TAFA1: variants seen among roughly 807,000 people sequenced by gnomAD.
TAFA1 encodes TAFA chemokine like family member 1.
Under a neutral mutation model 18.5 loss-of-function variants are expected in TAFA1, and 4 were observed. The ratio of observed to expected loss-of-function variants is 0.22; its 90% CI spans 0.11 to 0.49. TAFA1 has a LOEUF of 0.49. TAFA1 is among the 20% of genes least tolerant of loss of function. The pLI is 0.98. For missense variants in TAFA1, 147 were observed against 169.0 expected (o/e 0.87, Z 0.72); for synonymous variants, 56 against 55.2 (o/e 1.01, Z -0.06).
intron 2 of TAFA1, among the ~76,000 whole-genome samples, chr3:68,117,976 C>T (rs1333725953): frequency 6.6e-6 from 1 of 152,106 alleles, no homozygotes; most frequent in Non-Finnish European, 1.5e-5. Context: ...AACTCTATAC[C>T]AGTGGTCCCC....
At chr3:68,073,965 T>A (rs2106755040) in intron 2 of TAFA1, among the ~76,000 whole-genome samples, 1 of 152,312 alleles carries the variant, frequency 6.6e-6, no homozygotes, top group Non-Finnish European at 1.5e-5. Context: ...GTGCACTTTA[T>A]GTCTATTATT....
intron 2 of TAFA1, among the ~76,000 whole-genome samples, chr3:68,255,786 G>A (rs2067287147): frequency 6.6e-6 from 1 of 152,004 alleles, no homozygotes; most frequent in Admixed American, 6.6e-5. Flanking sequence ...GTCCAAAGTG[G>A]GGATGGTTGG....
At chr3:67,999,622 C>A (rs1575567234), upstream of TAFA1, among the ~76,000 whole-genome samples, 1 of 151,996 alleles carries the variant, frequency 6.6e-6, no homozygotes, top group Admixed American at 6.6e-5. Context: ...ATACTGAGAA[C>A]CAGGGTAGAA....
chr3:68,286,937 G>A (rs1317701013), intron 2 of TAFA1, among the ~76,000 whole-genome samples: 1 of 152,190 alleles, frequency 6.6e-6, no homozygotes, highest in Non-Finnish European at 1.5e-5. Context: ...CATCCTTGGT[G>A]CTGTACAATT....
intron 2 of TAFA1, among the ~76,000 whole-genome samples, chr3:68,110,835 A>C (rs1191915979): frequency 6.6e-6 from 1 of 152,092 alleles, no homozygotes; most frequent in Non-Finnish European, 1.5e-5. Flanking sequence ...TGAAAAAAAA[A>C]CTTGGAGTCC....
intron 3 of TAFA1, among the ~76,000 whole-genome samples, chr3:68,424,163 AT>A (rs1189733508): frequency 6.6e-6 from 1 of 152,058 alleles, no homozygotes; most frequent in Non-Finnish European, 1.5e-5. Context: ...GTAACAGAAC[AT>A]TTTGCTCCTG....
intron 3 of TAFA1, among the ~76,000 whole-genome samples, chr3:68,425,005 G>C (rs934988529): frequency 4.6e-5 from 7 of 151,974 alleles, no homozygotes; most frequent in African/African-American, 1.7e-4. Flanking sequence ...AGATAGCTAA[G>C]TGTTGCCTAA....
intron 2 of TAFA1, among the ~76,000 whole-genome samples, chr3:68,370,506 A>ATATATATATATATATATATATG (rs1162156955): frequency 8.0e-5 from 6 of 75,106 alleles, no homozygotes; most frequent in Admixed American, 1.9e-4. Flanking sequence ...ATATATATAT[A>ATATATATATATATATATATATG]TATATATATA....
chr3:68,377,447 C>G (rs1245940515), intron 2 of TAFA1, among the ~76,000 whole-genome samples: 1 of 152,112 alleles, frequency 6.6e-6, no homozygotes, highest in Non-Finnish European at 1.5e-5. Flanking sequence ...TCTGCCCTGC[C>G]CTAGAGATCT....
intron 3 of TAFA1, among the ~76,000 whole-genome samples, chr3:68,509,407 T>C (rs2072813148): frequency 6.6e-6 from 1 of 152,106 alleles, no homozygotes; most frequent in Non-Finnish European, 1.5e-5. Context: ...TGTATCTCCT[T>C]TGCAGGCCTG....
intron 4 of TAFA1, 91 bp downstream of exon 4, chr3:68,538,971 A>G (rs2073320802): frequency 7.4e-7 from 1 of 1,353,146 alleles, no homozygotes; most frequent in African/African-American, 1.4e-5. Context: ...GAAGCTTTGC[A>G]CAGGAGAGAA....
At chr3:68,229,783 A>C (rs1277073167) in intron 2 of TAFA1, among the ~76,000 whole-genome samples, 1 of 152,168 alleles carries the variant, frequency 6.6e-6, no homozygotes, top group East Asian at 1.9e-4. Flanking sequence ...TTCGGATTCC[A>C]GTTTCTCTAC....
At chr3:68,198,973 T>C (rs1488736821) in intron 2 of TAFA1, among the ~76,000 whole-genome samples, 1 of 151,552 alleles carries the variant, frequency 6.6e-6, no homozygotes, top group East Asian at 1.9e-4. Context: ...ATTTCTTTTA[T>C]GTTATCTTCT....
At chr3:68,142,481 G>T (rs2065679254) in intron 2 of TAFA1, among the ~76,000 whole-genome samples, 1 of 152,208 alleles carries the variant, frequency 6.6e-6, no homozygotes, top group Non-Finnish European at 1.5e-5. Flanking sequence ...GGTGCACTGT[G>T]CATGTGCAGT....
chr3:68,520,038 T>C (rs560684476), intron 3 of TAFA1, among the ~76,000 whole-genome samples: 1 of 152,138 alleles, frequency 6.6e-6, no homozygotes, highest in Non-Finnish European at 1.5e-5. Flanking sequence ...ACCAACAAAA[T>C]CCTAAAACAC....
intron 2 of TAFA1, among the ~76,000 whole-genome samples, chr3:68,142,023 T>C (rs1336399485): frequency 1.3e-5 from 2 of 152,166 alleles, no homozygotes; most frequent in Non-Finnish European, 2.9e-5. Context: ...CTGAAGAATC[T>C]GAAGTTACCA....
rs530735463 is a variant in TAFA1, at chr3:68,034,835, A to G, written c.118+28091A>G. ...GACACGTGCTGGCAAATGTGATACT[A>G]TTTTAGAAAGGGGAAATTTTAAAAT... On this transcript the variant is annotated intron_variant, in intron 2 of 4. Coordinates refer to ENST00000478136, the MANE Select transcript of TAFA1 (RefSeq NM_213609.4). 2.0e-5 allele frequency among the ~76,000 whole-genome samples: 3 copies of G among 152,288 alleles called. No individual in the cohort carries two copies. The South Asian group carries it at 6.2e-4, about 32-fold the overall frequency.
chr3:68,309,754 G>A (rs1388614096), intron 2 of TAFA1, among the ~76,000 whole-genome samples: 1 of 152,196 alleles, frequency 6.6e-6, no homozygotes, highest in East Asian at 1.9e-4. Flanking sequence ...CAGATGGGAA[G>A]GATGGCTTCA....
At chr3:68,290,832 A>G (rs2068091490) in intron 2 of TAFA1, among the ~76,000 whole-genome samples, 1 of 152,114 alleles carries the variant, frequency 6.6e-6, no homozygotes, top group Non-Finnish European at 1.5e-5. Context: ...AAAAGAAATT[A>G]CTTGTTATCA....
Sources: gnomAD v4.1 joint callset for allele counts (sites outside exome capture counted in the v4.1 genomes callset) on GRCh38, gnomAD v4.1.1 for gene constraint, MANE v1.5 for transcripts, NCBI Gene and HGNC (gene_info 2026-07-23, HGNC 2026-07-21) for gene names.